ESYT3: variants seen among roughly 807,000 people sequenced by gnomAD.
ESYT3 encodes extended synaptotagmin 3.
In ESYT3, 101 loss-of-function variants were observed where a neutral mutation model predicts 111.5. The observed-to-expected ratio is 0.91, with a 90% CI of 0.77 to 1.07. ESYT3 has a LOEUF of 1.07. Among genes scored for constraint, ESYT3 ranks in the 50% least tolerant of loss-of-function variants. The pLI, the probability that ESYT3 is intolerant of heterozygous loss-of-function variation, is 0.00. For synonymous variants in ESYT3, 416 were observed against 446.8 expected (o/e 0.93, Z 0.87); for missense variants, 1,097 against 1,109.4 (o/e 0.99, Z 0.16).
chr3:138,458,136 G>A (rs573563810), intron 4 of ESYT3, among the ~76,000 whole-genome samples: 67 of 152,320 alleles, frequency 4.4e-4, no homozygotes, highest in African/African-American at 1.5e-3. Context: ...AGCCTTCCTG[G>A]AAGTGGCAAG....
chr3:138,470,847 CTCT>C, intron 16 of ESYT3, 27 bp from the exon 17 acceptor site: 1 of 1,613,652 alleles, frequency 6.2e-7, no homozygotes, highest in Non-Finnish European at 8.5e-7. Flanking sequence ...CTTGGTTATC[CTCT>C]TGTTTTGTGA....
chr3:138,469,698 CCAAGGA>C (rs1408954731), intron 15 of ESYT3, among the ~76,000 whole-genome samples, 194 bp downstream of exon 15: 1 of 152,124 alleles, frequency 6.6e-6, no homozygotes, highest in Non-Finnish European at 1.5e-5. Context: ...AATGACTTGA[CCAAGGA>C]CACAGAACTA....
At chr3:138,471,167 TACTG>T in intron 17 of ESYT3, 141 bp downstream of exon 17, 1 of 682,596 alleles carries the variant, frequency 1.5e-6, no homozygotes, top group Non-Finnish European at 2.5e-6. Flanking sequence ...AATTTTGAAA[TACTG>T]AATGGGAGCA....
intron 15 of ESYT3, 56 bp from the exon 16 acceptor site, chr3:138,470,004 G>C: frequency 6.8e-7 from 1 of 1,477,934 alleles, no homozygotes; most frequent in South Asian, 1.2e-5. Flanking sequence ...GAGGGTGCCG[G>C]TATCCAGCTC....
chr3:138,476,163 T>C (rs1478621785), intron 20 of ESYT3, 60 bp from the exon 21 acceptor site: 8 of 1,140,520 alleles, frequency 7.0e-6, no homozygotes, highest in African/African-American at 1.5e-5. Context: ...TGAAGCACTT[T>C]AGATTTTCAA....
chr3:138,451,674 C>T (rs1039174226), intron 1 of ESYT3, among the ~76,000 whole-genome samples: 10 of 152,200 alleles, frequency 6.6e-5, no homozygotes, highest in Admixed American at 3.9e-4. Flanking sequence ...CCTCGGCCTC[C>T]GCGTGGGACT....
Position 138,472,671 on chromosome 3 carries a change from G to T in ESYT3, c.2049G>T (p.Lys683Asn), listed in dbSNP as rs200687042. Residue 683 changes from lysine (K) to asparagine (N), a missense_variant, in exon 18 of 23, where the codon AAG (lysine) becomes AAT (asparagine). By Grantham distance (94) the Lys-to-Asn change is moderately conservative. Transcript: ENST00000389567. ...TCTGTGAGCCCATCGGGGAGAAGAA[G>T]AGTCCAGCCACCATCTTCCTGACTG... ...KRFCEPIGEKKSPATIFLTVP... is the reference protein window; with the variant it reads ...KRFCEPIGEKNSPATIFLTVP... 3.1e-6 allele frequency: 5 copies of T among 1,614,212 alleles called. No homozygotes were observed. The highest frequency in any genetic ancestry group is 4.2e-6 in the Non-Finnish European group (5 of 1,180,042).
intron 7 of ESYT3, 44 bp downstream of exon 7, chr3:138,460,710 G>A (rs1018118660): frequency 1.3e-6 from 2 of 1,596,466 alleles, no homozygotes; most frequent in African/African-American, 1.3e-5. Context: ...AAGTTTGGGG[G>A]CCTCCAGGGC....
chr3:138,459,030 G>T (rs1187657375), intron 4 of ESYT3, among the ~76,000 whole-genome samples, 157 bp from the exon 5 acceptor site: 2 of 152,166 alleles, frequency 1.3e-5, no homozygotes, highest in Non-Finnish European at 2.9e-5. Flanking sequence ...GCTGAGAAAG[G>T]CTGAGGCTAC....
Position 138,434,833 on chromosome 3 carries a change from C to T in ESYT3, c.35C>T (p.Pro12Leu), listed in dbSNP as rs2030500180. The T allele has an allele frequency of 1.3e-6, 2 of 1,556,124 alleles. No homozygotes were observed. Among genetic ancestry groups the T allele is most frequent in the South Asian group, 1.2e-5 (1 of 84,328 alleles). Residue 12 changes from proline (P) to leucine (L), a missense_variant, in exon 1 of 23, where the codon CCC becomes CTC. Physicochemically the swap from Pro to Leu is moderately conservative, Grantham distance 98. Coordinates refer to ENST00000389567, the MANE Select transcript of ESYT3 (RefSeq NM_031913.5). ...RAEEPCAPGAPSALGAQRTPG... is the reference protein window; with the variant it reads ...RAEEPCAPGALSALGAQRTPG... ...GAGGAGCCCTGCGCCCCCGGGGCCCCCAGCGCCCTGGGAGCCCAGCGCACG... is the reference window on the plus strand; with the variant it reads ...GAGGAGCCCTGCGCCCCCGGGGCCCTCAGCGCCCTGGGAGCCCAGCGCACG...
chr3:138,460,693 A>AG (rs763451963), intron 7 of ESYT3, 27 bp downstream of exon 7: 1 of 1,613,358 alleles, frequency 6.2e-7, no homozygotes, highest in Admixed American at 1.7e-5. Flanking sequence ...GCCTCGAGGG[A>AG]GATCATAAGT....
intron 16 of ESYT3, 121 bp from the exon 17 acceptor site, chr3:138,470,756 A>C (rs1388411025): frequency 3.2e-6 from 5 of 1,538,716 alleles, no homozygotes; most frequent in Non-Finnish European, 4.4e-6. Context: ...GAATAGGACC[A>C]GATGCCCATA....
intron 8 of ESYT3, among the ~76,000 whole-genome samples, 185 bp from the exon 9 acceptor site, chr3:138,464,160 C>G (rs2032796968): frequency 6.6e-6 from 1 of 152,158 alleles, no homozygotes; most frequent in South Asian, 2.1e-4. Context: ...ATGGAGAGAG[C>G]CCTGCCATCA....
intron 19 of ESYT3, among the ~76,000 whole-genome samples, chr3:138,473,865 C>A (rs572595622): frequency 2.0e-5 from 3 of 152,336 alleles, no homozygotes; most frequent in African/African-American, 7.2e-5. Flanking sequence ...TTTGCTCAGA[C>A]GCAACCACTG....
In ESYT3 at chr3:138,474,470, C is replaced by CAT. The variant is rs1005691709; in HGVS notation, c.2468+120_2468+121dup. 3 of 1,189,456 alleles carry CAT rather than the reference C, an allele frequency of 2.5e-6. No individual in the cohort carries two copies. The African/African-American group carries it at 4.7e-5, about 19-fold the overall frequency. The allele number at this position is 1,189,456 out of a possible 1,614,324, so 73.7% of individuals were successfully genotyped here. A position where few individuals can be genotyped will look rare whatever the true frequency, so the allele number is the denominator to read the frequency against. On this transcript the variant is annotated intron_variant, in intron 20 of 22. Coordinates refer to ENST00000389567, the MANE Select transcript of ESYT3 (RefSeq NM_031913.5). ...AAGGGGCTATGGCTGAACAAGACAA[C>CAT]ATAGTCTATGACTTCATGAAGCTTC... is the stretch of plus-strand genomic sequence containing the variant.
intron 12 of ESYT3, 66 bp downstream of exon 12, chr3:138,468,260 A>G: frequency 2.1e-6 from 3 of 1,445,350 alleles, no homozygotes; most frequent in Non-Finnish European, 2.9e-6. Context: ...AGGTGTGTGC[A>G]GGTGGAGGAA....
At chr3:138,466,900 T>G (rs1270747866) in intron 10 of ESYT3, among the ~76,000 whole-genome samples, 3 of 152,138 alleles carry the variant, frequency 2.0e-5, no homozygotes, top group Non-Finnish European at 4.4e-5. Flanking sequence ...TGTCCCCGCT[T>G]CTTTTTAACA....
chr3:138,465,530 C>A, intron 10 of ESYT3, 109 bp downstream of exon 10: 1 of 825,460 alleles, frequency 1.2e-6, no homozygotes, highest in Non-Finnish European at 1.9e-6. Flanking sequence ...CCGCTGTGGT[C>A]ACCCTGACAT....
intron 19 of ESYT3, 106 bp downstream of exon 19, chr3:138,473,740 A>C: frequency 1.0e-6 from 1 of 962,810 alleles, no homozygotes; most frequent in Non-Finnish European, 1.6e-6. Flanking sequence ...CCCAAGATAA[A>C]TAACACTTTG....
Sources: allele counts gnomAD v4.1 joint callset (sites outside exome capture counted in the v4.1 genomes callset), GRCh38; gene constraint gnomAD v4.1.1; transcripts MANE v1.5; gene names NCBI Gene and HGNC (gene_info 2026-07-23, HGNC 2026-07-21).